UNC5D: variants seen among roughly 807,000 people sequenced by gnomAD.
The protein encoded by UNC5D is netrin receptor UNC5D.
UNC5D carries 39 observed loss-of-function variants against 105.4 expected under a neutral mutation model. The observed-to-expected ratio is 0.37, with a 90% confidence interval of 0.29 to 0.48. The LOEUF (loss-of-function observed/expected upper bound fraction) is 0.48, where lower values mean the gene tolerates loss of function less well. Ranked by LOEUF, UNC5D falls within the 20% of genes least tolerant of loss-of-function variation. UNC5D has a pLI of 0.98. For synonymous variants in UNC5D, 452 were observed against 450.4 expected (o/e 1.00, Z -0.04); for missense variants, 991 against 1,202.4 (o/e 0.82, Z 2.60).
At chr8:35,505,545 G>A (rs1812255423) in intron 1 of UNC5D, among the ~76,000 whole-genome samples, 1 of 152,054 alleles carries the variant, frequency 6.6e-6, no homozygotes, top group South Asian at 2.1e-4. Context: ...GATAGGATTG[G>A]GAGGTTTGTG....
intron 1 of UNC5D, among the ~76,000 whole-genome samples, chr8:35,542,215 A>G (rs1275647895): frequency 1.3e-5 from 2 of 152,154 alleles, no homozygotes; most frequent in African/African-American, 2.4e-5. Flanking sequence ...TGCATTAAAT[A>G]TTTGGTATGT....
intron 1 of UNC5D, among the ~76,000 whole-genome samples, chr8:35,365,173 G>T (rs956712800): frequency 6.6e-6 from 1 of 152,054 alleles, no homozygotes. Context: ...CCTCAATCCC[G>T]ATTGCTCATT....
At chr8:35,276,694 G>T (rs549770375) in intron 1 of UNC5D, among the ~76,000 whole-genome samples, 16 of 152,230 alleles carry the variant, frequency 1.1e-4, no homozygotes, top group African/African-American at 3.9e-4. Context: ...ATATAGTGTG[G>T]CAGACCAGGT....
At chr8:35,368,121 T>C (rs991524379) in intron 1 of UNC5D, among the ~76,000 whole-genome samples, 21 of 152,312 alleles carry the variant, frequency 1.4e-4, no homozygotes, top group Admixed American at 1.0e-3. Flanking sequence ...GAAAGAGAAC[T>C]TAAACCTGGT....
rs574537993 is a variant in UNC5D at position 35,242,155 on chromosome 8, C to A, written c.103+6268C>A. Among the ~76,000 whole-genome samples the A allele has an allele frequency of 3.3e-5, 5 of 152,274 alleles. No homozygotes were observed. The East Asian group carries it at 9.6e-4, about 29-fold the overall frequency. On this transcript the variant is annotated intron_variant, in intron 1 of 16. Transcript: ENST00000404895. ...GGTACAGGTACCCCCACCACTCCAGCCCACATTGTATTTAAGGGTATTTTT... is the reference window on the plus strand; with the variant it reads ...GGTACAGGTACCCCCACCACTCCAGACCACATTGTATTTAAGGGTATTTTT...
chr8:35,462,358 G>A (rs557945160), intron 1 of UNC5D, among the ~76,000 whole-genome samples: 10 of 151,952 alleles, frequency 6.6e-5, no homozygotes, highest in African/African-American at 1.9e-4. Context: ...AATAACACTC[G>A]TCAATCTCAT....
intron 1 of UNC5D, among the ~76,000 whole-genome samples, chr8:35,380,545 C>T (rs929930990): frequency 6.6e-5 from 10 of 152,054 alleles, no homozygotes; most frequent in African/African-American, 9.7e-5. Flanking sequence ...AAATCTTTTT[C>T]CAAGAGATTC....
intron 4 of UNC5D, among the ~76,000 whole-genome samples, chr8:35,630,539 A>C (rs191330997): frequency 4.6e-5 from 7 of 152,286 alleles, no homozygotes; most frequent in Admixed American, 4.6e-4. Context: ...TCAAGCCAAG[A>C]ATATTGTGAC....
At chr8:35,423,345 A>C (rs1452632208) in intron 1 of UNC5D, among the ~76,000 whole-genome samples, 1 of 152,170 alleles carries the variant, frequency 6.6e-6, no homozygotes, top group African/African-American at 2.4e-5. Context: ...CTGCAGCTCC[A>C]GCATTGTTCA....
rs537867860 is a variant in UNC5D at position 35,259,844 on chromosome 8, GGAGGGGT to G, written c.103+23961_103+23967del. On this transcript the variant is annotated intron_variant, in intron 1 of 16. Coordinates refer to ENST00000404895, the MANE Select transcript of UNC5D (RefSeq NM_080872.4). Reference sequence around the variant, plus strand: ...GCTGGTAAAAAGGTGGAGGAAGTGGGGAGGGGTGAGAGGGCAGGGAAGGGTACACATT... The same window carrying G: ...GCTGGTAAAAAGGTGGAGGAAGTGGGGAGAGGGCAGGGAAGGGTACACATT... Among the ~76,000 whole-genome samples the G allele has an allele frequency of 2.5e-4, 38 of 152,100 alleles. No individual in the cohort carries two copies. In the East Asian group the frequency reaches 7.0e-3, roughly 28 times the overall value.
intron 2 of UNC5D, among the ~76,000 whole-genome samples, chr8:35,563,796 A>T (rs575555581): frequency 2.1e-4 from 32 of 152,140 alleles, no homozygotes; most frequent in African/African-American, 7.5e-4. Context: ...CTTTCTATGT[A>T]TAATTTTTCG....
At chr8:35,307,750 T>C (rs1378734616) in intron 1 of UNC5D, among the ~76,000 whole-genome samples, 19 of 152,004 alleles carry the variant, frequency 1.2e-4, no homozygotes, top group Admixed American at 1.1e-3. Flanking sequence ...GAGGGGAAAA[T>C]GCTGTGGGAT....
chr8:35,663,606 T>G (rs1824244831), intron 4 of UNC5D, among the ~76,000 whole-genome samples: 1 of 152,180 alleles, frequency 6.6e-6, no homozygotes, highest in African/African-American at 2.4e-5. Flanking sequence ...GTGACATATG[T>G]ATGTAGCATA....
chr8:35,333,384 G>A (rs565092337), intron 1 of UNC5D, among the ~76,000 whole-genome samples: 6 of 151,856 alleles, frequency 4.0e-5, no homozygotes, highest in Non-Finnish European at 8.8e-5. Flanking sequence ...AATTAGATAG[G>A]CCCCTTCCAA....
At chr8:35,293,456 A>G (rs1304316588) in intron 1 of UNC5D, among the ~76,000 whole-genome samples, 1 of 152,154 alleles carries the variant, frequency 6.6e-6, no homozygotes, top group Non-Finnish European at 1.5e-5. Flanking sequence ...TACTTCTTTT[A>G]TGTCTTCCTC....
chr8:35,563,004 A>AT (rs552437353), intron 2 of UNC5D, among the ~76,000 whole-genome samples: 2 of 151,550 alleles, frequency 1.3e-5, no homozygotes, highest in Non-Finnish European at 2.9e-5. Flanking sequence ...GTCTAATTTC[A>AT]TTTTTCTGTA....
At chr8:35,735,408 T>C (rs16884351) in intron 11 of UNC5D, among the ~76,000 whole-genome samples, 3,164 of 152,328 alleles carry the variant, frequency 0.021, 147 homozygotes, top group East Asian at 0.096. Context: ...AAATTGGAAA[T>C]GTTGTAAGTC....
chr8:35,697,664 A>G (rs1178481254), intron 7 of UNC5D, among the ~76,000 whole-genome samples: 1 of 152,156 alleles, frequency 6.6e-6, no homozygotes, highest in Non-Finnish European at 1.5e-5. Flanking sequence ...TATAAGGCTT[A>G]GCAGCACTGA....
intron 4 of UNC5D, among the ~76,000 whole-genome samples, chr8:35,605,755 T>A (rs2978406): frequency 0.11 from 15,991 of 152,208 alleles, 903 homozygotes; most frequent in African/African-American, 0.14. Context: ...AAATAAAAAT[T>A]TATTTTCACT....
Sources: gnomAD v4.1 joint callset for allele counts (sites outside exome capture counted in the v4.1 genomes callset) on GRCh38, gnomAD v4.1.1 for gene constraint, MANE v1.5 for transcripts, NCBI Gene and HGNC (gene_info 2026-07-23, HGNC 2026-07-21) for gene names.